FRK: variants seen among roughly 807,000 people sequenced by gnomAD.
The protein encoded by FRK is fyn related Src family tyrosine kinase.
A neutral mutation model predicts 56.4 loss-of-function variants in FRK; 51 were observed. The ratio of observed to expected loss-of-function variants is 0.90; its 90% CI spans 0.72 to 1.14. FRK has a LOEUF of 1.14. Ranked by LOEUF, FRK falls within the 50% of genes most tolerant of loss-of-function variation. FRK has a pLI of 0.00. For synonymous variants in FRK, 245 were observed against 217.9 expected (o/e 1.12, Z -1.10); for missense variants, 570 against 601.4 (o/e 0.95, Z 0.55).
the FRK span, among the ~76,000 whole-genome samples, chr6:116,084,516 A>G: frequency 6.6e-6 from 1 of 152,206 alleles, no homozygotes; most frequent in African/African-American, 2.4e-5. Flanking sequence ...TGTAATAATC[A>G]TCTCCTAGCA....
At chr6:116,074,551 A>G in the FRK span, among the ~76,000 whole-genome samples, 1 of 152,324 alleles carries the variant, frequency 6.6e-6, no homozygotes, top group Non-Finnish European at 1.5e-5. Context: ...AATATATTTT[A>G]GTGAGTTATG....
chr6:116,071,769 C>T, the FRK span, among the ~76,000 whole-genome samples: 1 of 152,104 alleles, frequency 6.6e-6, no homozygotes, highest in African/African-American at 2.4e-5. Context: ...TAGGCTAGTG[C>T]TTGGGGATAT....
At chr6:116,053,640 G>T (rs1345484704) in intron 1 of FRK, among the ~76,000 whole-genome samples, 2 of 151,916 alleles carry the variant, frequency 1.3e-5, no homozygotes, top group African/African-American at 2.4e-5. Flanking sequence ...TTAAAATTTG[G>T]GTTCTAATCT....
intron 4 of FRK, among the ~76,000 whole-genome samples, chr6:115,958,779 G>GGAGA (rs200019755): frequency 0.041 from 3,370 of 82,578 alleles, 312 homozygotes; most frequent in Admixed American, 0.19. Flanking sequence ...GGGGGGGGAA[G>GGAGA]GAGAGAGAGA....
intron 2 of FRK, among the ~76,000 whole-genome samples, chr6:115,971,302 A>G (rs1773797900): frequency 6.6e-6 from 1 of 152,212 alleles, no homozygotes; most frequent in Non-Finnish European, 1.5e-5. Flanking sequence ...CTTTAAGCAA[A>G]TAAGTTTTCT....
intron 5 of FRK, among the ~76,000 whole-genome samples, chr6:115,955,646 A>T (rs1008272882): frequency 2.0e-5 from 3 of 152,178 alleles, no homozygotes; most frequent in African/African-American, 7.2e-5. Flanking sequence ...TCCTGAAATC[A>T]GAGGATATTC....
the FRK span, among the ~76,000 whole-genome samples, chr6:116,076,172 TATG>T: frequency 2.6e-5 from 4 of 152,214 alleles, no homozygotes; most frequent in Non-Finnish European, 4.4e-5. Context: ...CAAAAGTTTA[TATG>T]ATGATTGCCA....
At chr6:116,088,058 A>G in the FRK span, among the ~76,000 whole-genome samples, 1 of 152,216 alleles carries the variant, frequency 6.6e-6, no homozygotes, top group Non-Finnish European at 1.5e-5. Context: ...TCCAGTGGAC[A>G]ATTCCAGGAA....
chr6:116,039,260 T>C (rs1776620865), intron 1 of FRK: 12 of 1,493,154 alleles, frequency 8.0e-6, no homozygotes, highest in South Asian at 2.3e-5. Context: ...GTGTGGGCCA[T>C]TGGTACCAGC....
the FRK span, among the ~76,000 whole-genome samples, chr6:116,080,696 G>T: frequency 1.3e-5 from 2 of 152,070 alleles, no homozygotes; most frequent in South Asian, 4.1e-4. Context: ...ATGAGCAAGA[G>T]ATATGAACAG....
chr6:116,064,063 T>C (rs1271246900), upstream of FRK, among the ~76,000 whole-genome samples: 1 of 152,220 alleles, frequency 6.6e-6, no homozygotes, highest in African/African-American at 2.4e-5. Context: ...TAAACCTTAG[T>C]TCTTCAGCAT....
At chr6:115,960,472 G>A (rs1283082664) in intron 4 of FRK, among the ~76,000 whole-genome samples, 2 of 150,422 alleles carry the variant, frequency 1.3e-5, no homozygotes, top group South Asian at 2.1e-4. Flanking sequence ...TGGGGGAAGG[G>A]CGCCCGCCAT....
At chr6:116,025,233 A>T (rs895000818) in intron 1 of FRK, among the ~76,000 whole-genome samples, 10 of 152,162 alleles carry the variant, frequency 6.6e-5, no homozygotes, top group African/African-American at 2.4e-4. Flanking sequence ...AGACATAGCC[A>T]CACATTGCAG....
chr6:115,968,763 TAATA>T (rs1406787055), intron 2 of FRK, 24 bp from the exon 3 acceptor site: 1 of 1,603,376 alleles, frequency 6.2e-7, no homozygotes. Flanking sequence ...TAATTCCTGT[TAATA>T]AACTTCTTGC....
chr6:116,054,513 AC>A (rs1487757400), intron 1 of FRK, among the ~76,000 whole-genome samples: 1 of 145,166 alleles, frequency 6.9e-6, no homozygotes, highest in Non-Finnish European at 1.5e-5. Flanking sequence ...ATAATATTAT[AC>A]TATATATTAT....
the FRK span, among the ~76,000 whole-genome samples, chr6:116,068,457 A>G: frequency 8.3e-4 from 126 of 152,324 alleles, no homozygotes; most frequent in African/African-American, 3.0e-3. Flanking sequence ...TAAATAAAAA[A>G]TTGTTTAATT....
At chr6:116,000,223 CTTTTTTTTTTTTTTTTTTTTTTTT>C (rs561273499) in intron 2 of FRK, among the ~76,000 whole-genome samples, 27 of 53,112 alleles carry the variant, frequency 5.1e-4, no homozygotes, top group African/African-American at 5.4e-4. Context: ...ATCATTCTTT[CTTTTTTTTTTTTTTTTTTTTTTTT>C]TTTTTTTTTT....
At chr6:116,041,203 A>G (rs762880737) in intron 1 of FRK, among the ~76,000 whole-genome samples, 8 of 152,230 alleles carry the variant, frequency 5.3e-5, no homozygotes, top group Non-Finnish European at 1.0e-4. Flanking sequence ...CTGTTTTGCT[A>G]TAAACTATTG....
chr6:116,041,642 G>A (rs1776717819), intron 1 of FRK, among the ~76,000 whole-genome samples: 2 of 152,112 alleles, frequency 1.3e-5, no homozygotes, highest in South Asian at 2.1e-4. Context: ...GAAGCTCAAG[G>A]GGTCAGGGAA....
Sources: gnomAD v4.1 joint callset for allele counts (sites outside exome capture counted in the v4.1 genomes callset) on GRCh38, gnomAD v4.1.1 for gene constraint, MANE v1.5 for transcripts, NCBI Gene and HGNC (gene_info 2026-07-23, HGNC 2026-07-21) for gene names.